STK3: variants seen among roughly 807,000 people sequenced by gnomAD.
STK3 encodes serine/threonine-protein kinase 3.
In STK3, 41 loss-of-function variants were observed where a neutral mutation model predicts 58.0. The ratio of observed to expected loss-of-function variants is 0.71; its 90% CI spans 0.55 to 0.92. The LOEUF (loss-of-function observed/expected upper bound fraction) is 0.92, where lower values mean the gene tolerates loss of function less well. STK3 is among the 40% of genes least tolerant of loss of function. The pLI, the probability that STK3 is intolerant of heterozygous loss-of-function variation, is 0.00. For missense variants in STK3, 479 were observed against 602.7 expected (o/e 0.79, Z 2.15); for synonymous variants, 170 against 191.0 (o/e 0.89, Z 0.91).
chr8:98,404,168 A>C (rs536492718), intron 3 of STK3, among the ~76,000 whole-genome samples: 1 of 152,352 alleles, frequency 6.6e-6, no homozygotes, highest in African/African-American at 2.4e-5. Context: ...TCCTTTTGCC[A>C]GAAAAACTAT....
At chr8:98,524,899 G>C (rs1825638075) in intron 10 of STK3, among the ~76,000 whole-genome samples, 1 of 152,208 alleles carries the variant, frequency 6.6e-6, no homozygotes, top group Admixed American at 6.5e-5. Context: ...CTACAAAATT[G>C]TGGTTTTGAT....
At chr8:98,636,074 T>TA (rs1192678302) in intron 6 of STK3, among the ~76,000 whole-genome samples, 1 of 151,932 alleles carries the variant, frequency 6.6e-6, no homozygotes. Flanking sequence ...TCTAAAATAG[T>TA]AAAAAACAGA....
chr8:98,344,879 C>G, the STK3 span, among the ~76,000 whole-genome samples: 106 of 108,094 alleles, frequency 9.8e-4, no homozygotes, highest in African/African-American at 3.7e-3. Flanking sequence ...GGCGACAGAG[C>G]GAGACTCCGT....
At chr8:98,438,459 A>T (rs1403728749) in intron 1 of STK3, 1 of 152,214 alleles carries the variant, frequency 6.6e-6, no homozygotes, top group African/African-American at 2.4e-5. Context: ...CAGGAGAAGA[A>T]CCAAGAGGTG....
At chr8:98,740,681 A>G (rs1436180864) in intron 4 of STK3, among the ~76,000 whole-genome samples, 1 of 152,238 alleles carries the variant, frequency 6.6e-6, no homozygotes, top group Non-Finnish European at 1.5e-5. Context: ...AAGAAACGGT[A>G]TCAACTAATG....
At chr8:98,612,196 A>T (rs1817252688) in intron 6 of STK3, among the ~76,000 whole-genome samples, 1 of 150,794 alleles carries the variant, frequency 6.6e-6, no homozygotes, top group East Asian at 1.9e-4. Context: ...GATAGAGTAG[A>T]TGTACATTTT....
chr8:98,618,446 G>A (rs567932212), intron 6 of STK3, among the ~76,000 whole-genome samples: 1 of 152,258 alleles, frequency 6.6e-6, no homozygotes, highest in South Asian at 2.1e-4. Context: ...TCAACATAGT[G>A]TTGGAAGTTC....
intron 6 of STK3, among the ~76,000 whole-genome samples, chr8:98,680,920 T>C (rs937809967): frequency 6.6e-6 from 1 of 151,984 alleles, no homozygotes; most frequent in Non-Finnish European, 1.5e-5. Flanking sequence ...ATCCATTATG[T>C]TTTACATCAG....
At chr8:98,863,013 G>A (rs1045872224) in intron 3 of STK3, among the ~76,000 whole-genome samples, 1 of 152,186 alleles carries the variant, frequency 6.6e-6, no homozygotes, top group East Asian at 1.9e-4. Context: ...ACTGATGATG[G>A]CCAGGGCTGC....
chr8:98,630,670 G>GAGA (rs1266768226), intron 6 of STK3, among the ~76,000 whole-genome samples: 30 of 147,416 alleles, frequency 2.0e-4, no homozygotes, highest in African/African-American at 7.3e-4. Flanking sequence ...GAAGGAGAAG[G>GAGA]AGGAGAAGGA....
At chr8:98,773,849 T>C (rs780246363) in intron 2 of STK3, among the ~76,000 whole-genome samples, 34 of 152,178 alleles carry the variant, frequency 2.2e-4, no homozygotes, top group Middle Eastern at 3.4e-3. Flanking sequence ...CAGGCTAGAG[T>C]GCAATGGCGT....
chr8:98,703,808 T>C (rs943871035), intron 6 of STK3, among the ~76,000 whole-genome samples: 1 of 152,174 alleles, frequency 6.6e-6, no homozygotes, highest in Non-Finnish European at 1.5e-5. Context: ...CCAGGATTAA[T>C]TACACTATAC....
chr8:98,491,162 CGAGAGAGAGAGAGAGAGA>C (rs61704241), intron 10 of STK3, among the ~76,000 whole-genome samples: 2 of 142,842 alleles, frequency 1.4e-5, no homozygotes, highest in African/African-American at 5.2e-5. Flanking sequence ...AAAATAAACA[CGAGAGAGAGAGAGAGAGA>C]GAGAGAGAGA....
chr8:98,877,935 G>C (rs1837617372), intron 3 of STK3, among the ~76,000 whole-genome samples: 1 of 152,164 alleles, frequency 6.6e-6, no homozygotes, highest in South Asian at 2.1e-4. Context: ...AATAGTCACT[G>C]GTCTAATTTT....
chr8:98,427,194 C>CGCCCGCCG (rs924830265), intron 3 of STK3: 1 of 149,690 alleles, frequency 6.7e-6, no homozygotes, highest in East Asian at 2.0e-4. Flanking sequence ...CGGCGGCCCC[C>CGCCCGCCG]GCCCGCCGGC....
intron 2 of STK3, among the ~76,000 whole-genome samples, chr8:98,374,887 A>AAT (rs1389405854): frequency 1.2e-4 from 18 of 152,224 alleles, no homozygotes; most frequent in Admixed American, 3.3e-4. Context: ...GTAGGAATGG[A>AAT]ATAAATGGAG....
intron 2 of STK3, among the ~76,000 whole-genome samples, chr8:98,435,417 T>G (rs1818451778): frequency 6.6e-6 from 1 of 152,228 alleles, no homozygotes; most frequent in Non-Finnish European, 1.5e-5. Context: ...CTGAAGAGCC[T>G]GAGCTTCATT....
intron 6 of STK3, among the ~76,000 whole-genome samples, chr8:98,614,992 T>C (rs567005855): frequency 6.6e-6 from 1 of 152,244 alleles, no homozygotes; most frequent in South Asian, 2.1e-4. Flanking sequence ...CTCTGTAAGC[T>C]CCACGTCTAG....
At chr8:98,438,116 C>T (rs1373248884) in intron 1 of STK3, 1 of 152,188 alleles carries the variant, frequency 6.6e-6, no homozygotes, top group Non-Finnish European at 1.5e-5. Context: ...AAATATATTG[C>T]TATGTAATTT....
Sources: allele counts gnomAD v4.1 joint callset (sites outside exome capture counted in the v4.1 genomes callset), GRCh38; gene constraint gnomAD v4.1.1; transcripts MANE v1.5; gene names NCBI Gene and HGNC (gene_info 2026-07-23, HGNC 2026-07-21).